Variants in MUSK observed in about 807,000 individuals in gnomAD.
MUSK encodes the protein muscle, skeletal receptor tyrosine-protein kinase.
MUSK carries 55 observed loss-of-function variants against 88.7 expected under a neutral mutation model. That is an observed-to-expected ratio of 0.62 (90% CI 0.50 to 0.78). The LOEUF is 0.78. MUSK is among the 30% of genes least tolerant of loss of function. The pLI, the probability that MUSK is intolerant of heterozygous loss-of-function variation, is 0.00. For synonymous variants in MUSK, 387 were observed against 391.9 expected (o/e 0.99, Z 0.15); for missense variants, 1,015 against 1,074.3 (o/e 0.94, Z 0.77).
chr9:110,741,290 T>TA (rs1047172043), intron 6 of MUSK, among the ~76,000 whole-genome samples: 8 of 151,668 alleles, frequency 5.3e-5, no homozygotes, highest in Non-Finnish European at 8.8e-5. Flanking sequence ...ACCAATAAGC[T>TA]AAAAAAAATT....
rs933716535 is a variant in MUSK at position 110,803,636 on chromosome 9, CA to C, written c.*2655del. Among the ~76,000 whole-genome samples the C allele has an allele frequency of 2.5e-4, 38 of 151,924 alleles. No individual in the cohort carries two copies. Among genetic ancestry groups the C allele is most frequent in the Non-Finnish European group, 4.4e-4 (30 of 67,898 alleles). On this transcript the variant is annotated 3_prime_UTR_variant, in exon 15 of 15. Transcript: ENST00000374448. ...CTTCCTAAGTCTTTTTAATGAATAG[CA>C]AAAAAAGTATATTTCAGCATTATCA...
rs542299828 is a variant in MUSK at position 110,703,540 on chromosome 9, T to A, written c.628+6074T>A. ...GTGAGACTTTGTCTAAAAAAAAAAA[T>A]TAAATAAATAAATAAATTAGGAAGA... On this transcript the variant is annotated intron_variant, in intron 5 of 14. Coordinates refer to ENST00000374448, the MANE Select transcript of MUSK (RefSeq NM_005592.4). Among the ~76,000 whole-genome samples the A allele has an allele frequency of 6.6e-5, 10 of 151,272 alleles. No individual in the cohort carries two copies. The South Asian group carries it at 8.3e-4, about 13-fold the overall frequency.
chr9:110,705,016 A>G (rs892339337), intron 5 of MUSK, among the ~76,000 whole-genome samples: 1 of 151,528 alleles, frequency 6.6e-6, no homozygotes, highest in African/African-American at 2.4e-5. Context: ...AGAAAATTAT[A>G]TGGGGGGTAA....
At chr9:110,775,627 G>T (rs967990453) in intron 9 of MUSK, 161 bp from the exon 10 acceptor site, 1 of 663,018 alleles carries the variant, frequency 1.5e-6, no homozygotes, top group Non-Finnish European at 2.7e-6. Flanking sequence ...ATTTCATGAG[G>T]TCTCATATTA....
intron 7 of MUSK, among the ~76,000 whole-genome samples, chr9:110,752,311 G>T (rs745707882): frequency 5.3e-5 from 8 of 152,202 alleles, no homozygotes; most frequent in Non-Finnish European, 1.0e-4. Context: ...TTAGGGAAAT[G>T]AGGCTACTTC....
intron 1 of MUSK, among the ~76,000 whole-genome samples, chr9:110,669,867 C>A (rs1213631033): frequency 1.3e-5 from 2 of 152,026 alleles, no homozygotes; most frequent in African/African-American, 4.8e-5. Context: ...AATGTTATAC[C>A]ATAGAGTAAA....
intron 2 of MUSK, 28 bp from the exon 3 acceptor site, chr9:110,687,089 A>T (rs767592370): frequency 1.2e-6 from 2 of 1,601,436 alleles, no homozygotes; most frequent in Non-Finnish European, 1.7e-6. Flanking sequence ...GGAAGCACTA[A>T]TCTGTCATTT....
chr9:110,744,141 G>A (rs964356961), intron 6 of MUSK, among the ~76,000 whole-genome samples: 2 of 152,028 alleles, frequency 1.3e-5, no homozygotes, highest in Non-Finnish European at 2.9e-5. Context: ...CTAACTTTTT[G>A]TATTCTTAGT....
At chr9:110,733,742 C>T (rs537439566) in intron 5 of MUSK, among the ~76,000 whole-genome samples, 7 of 151,850 alleles carry the variant, frequency 4.6e-5, no homozygotes, top group Non-Finnish European at 7.4e-5. Context: ...CAGCAGTCAA[C>T]GAAAGGCAAG....
chr9:110,671,451 T>A (rs1464363815), intron 1 of MUSK, among the ~76,000 whole-genome samples: 1 of 152,250 alleles, frequency 6.6e-6, no homozygotes, highest in Admixed American at 6.5e-5. Context: ...TATTAGCTAA[T>A]AAATTGACAT....
intron 6 of MUSK, among the ~76,000 whole-genome samples, chr9:110,739,154 G>C (rs1032452570): frequency 1.3e-5 from 2 of 152,114 alleles, no homozygotes; most frequent in African/African-American, 2.4e-5. Flanking sequence ...TTGCAAGTGT[G>C]TTAGAGTCCC....
intron 8 of MUSK, among the ~76,000 whole-genome samples, chr9:110,766,096 G>A (rs1257876370): frequency 2.0e-5 from 3 of 152,148 alleles, no homozygotes; most frequent in Non-Finnish European, 2.9e-5. Flanking sequence ...ATGGCCAGGT[G>A]TTACACAGAA....
At chr9:110,771,897 T>C (rs1278374856) in intron 9 of MUSK, among the ~76,000 whole-genome samples, 1 of 152,180 alleles carries the variant, frequency 6.6e-6, no homozygotes, top group Non-Finnish European at 1.5e-5. Context: ...GAATCAAGTC[T>C]CATCAATCAT....
chr9:110,673,464 G>T (rs1308682584), intron 1 of MUSK, among the ~76,000 whole-genome samples: 12 of 152,140 alleles, frequency 7.9e-5, no homozygotes, highest in Admixed American at 7.9e-4. Context: ...GCACATACCA[G>T]ATTCTTAATC....
intron 1 of MUSK, among the ~76,000 whole-genome samples, chr9:110,675,871 T>C (rs1454360412): frequency 1.3e-5 from 2 of 152,098 alleles, no homozygotes; most frequent in African/African-American, 4.8e-5. Context: ...TAGTCTTTCT[T>C]TTTAAACAGT....
At chr9:110,742,961 A>G (rs369931235) in intron 6 of MUSK, among the ~76,000 whole-genome samples, 1 of 152,224 alleles carries the variant, frequency 6.6e-6, no homozygotes, top group Admixed American at 6.5e-5. Flanking sequence ...ATGTTGTAAA[A>G]GTTGCAAACC....
At chr9:110,760,644 T>C (rs1168445471) in intron 7 of MUSK, among the ~76,000 whole-genome samples, 1 of 151,220 alleles carries the variant, frequency 6.6e-6, no homozygotes, top group Non-Finnish European at 1.5e-5. Context: ...ACGCGGGTGA[T>C]GAAATAATCT....
At chr9:110,703,652 T>C (rs2076559706) in intron 5 of MUSK, among the ~76,000 whole-genome samples, 1 of 152,006 alleles carries the variant, frequency 6.6e-6, no homozygotes, top group African/African-American at 2.4e-5. Context: ...TAATAGTATA[T>C]TAGAGATAAA....
At chr9:110,776,066 A>AT in intron 10 of MUSK, 103 bp downstream of exon 10, 2 of 1,316,778 alleles carry the variant, frequency 1.5e-6, no homozygotes, top group Non-Finnish European at 2.0e-6. Context: ...AGGCATTTCT[A>AT]ATTTTTTTTT....
Sources: allele counts gnomAD v4.1 joint callset (sites outside exome capture counted in the v4.1 genomes callset), GRCh38; gene constraint gnomAD v4.1.1; transcripts MANE v1.5; gene names NCBI Gene and HGNC (gene_info 2026-07-23, HGNC 2026-07-21).